The following RASA1 variants were observed in gnomAD, a reference collection of about 807,000 sequenced individuals.
RASA1 encodes RAS p21 protein activator 1.
Under a neutral mutation model 132.2 loss-of-function variants are expected in RASA1, and 25 were observed. That is an observed-to-expected ratio of 0.19 (90% confidence interval 0.14 to 0.26). The LOEUF is 0.26. Ranked by LOEUF, RASA1 falls within the 10% of genes least tolerant of loss-of-function variation. The pLI is 1.00. For synonymous variants in RASA1, 477 were observed against 449.9 expected (o/e 1.06, Z -0.76); for missense variants, 964 against 1,299.2 (o/e 0.74, Z 3.97).
intron 1 of RASA1, chr5:87,330,945 G>A: frequency 7.0e-7 from 1 of 1,429,774 alleles, no homozygotes; most frequent in Non-Finnish European, 9.1e-7. Context: ...TAGGTTCCAT[G>A]TGCCTTGTGA....
rs781666744 is a variant in RASA1 at position 87,269,009 on chromosome 5, T to C, written c.539+19T>C. On this transcript the variant is annotated intron_variant, in intron 1 of 24. Transcript: ENST00000274376. ...CTAACCAGTAAGTTAAGACTGCTGT[T>C]CAGGAATTTGGGAAGCTGGCTCCAG... 1 of 1,614,224 alleles carries C rather than the reference T, an allele frequency of 6.2e-7. No individual in the cohort carries two copies. The highest frequency in any genetic ancestry group is 2.2e-5 in the East Asian group (1 of 44,884).
chr5:87,354,012 T>C (rs1353340874), intron 9 of RASA1, among the ~76,000 whole-genome samples: 1 of 152,114 alleles, frequency 6.6e-6, no homozygotes, highest in Non-Finnish European at 1.5e-5. Context: ...TAAAGGATTA[T>C]TAAGGGTTTT....
rs1229617577 is a variant in RASA1, at chr5:87,268,883, C to T, written c.432C>T (p.Pro144=). The T allele has an allele frequency of 1.9e-6, 3 of 1,614,038 alleles. No individual in the cohort carries two copies. Among genetic ancestry groups the T allele is most frequent in the East Asian group, 2.2e-5 (1 of 44,890 alleles). Residue 144 remains proline, a synonymous_variant, in exon 1 of 25, where the codon CCC becomes CCT. Transcript: ENST00000274376. The part of the protein sequence containing the change: ...FPPLPPPPYL[P]PLGAGLGTVD... ...CTCTGCCCCCTCCCCCTTACCTGCCCCCTTTGGGGGCGGGCCTCGGGACAG... is the reference window on the plus strand; with the variant it reads ...CTCTGCCCCCTCCCCCTTACCTGCCTCCTTTGGGGGCGGGCCTCGGGACAG...
At chr5:87,274,948 G>A (rs1754001548) in intron 1 of RASA1, among the ~76,000 whole-genome samples, 1 of 152,194 alleles carries the variant, frequency 6.6e-6, no homozygotes, top group South Asian at 2.1e-4. Context: ...AGTTGACGGT[G>A]ATGTCTGTAG....
At position 87,383,857 on chromosome 5, in the gene RASA1, A is replaced by G. The variant is rs529840267; in HGVS notation, c.2758+77A>G. 7 of 1,254,136 alleles carry G rather than the reference A, an allele frequency of 5.6e-6. No individual in the cohort carries two copies. In the African/African-American group the frequency reaches 9.2e-5, roughly 17 times the overall value. 77.7% of individuals were successfully genotyped at this position (1,254,136 alleles called of 1,614,324 possible). A position where few individuals can be genotyped will look rare whatever the true frequency, so the allele number is the denominator to read the frequency against. ...TCATACTATTTAAGAATACTCTTAA[A>G]TCTTTTTTTTTTTTTTGATCATCCA... is the stretch of plus-strand genomic sequence containing the variant. On this transcript the variant is annotated intron_variant, in intron 21 of 24. Coordinates refer to ENST00000274376, the MANE Select transcript of RASA1 (RefSeq NM_002890.3).
chr5:87,382,360 G>A lies in RASA1; in HGVS notation c.2691-1353G>A, dbSNP rs941779413. 4.1e-4 allele frequency among the ~76,000 whole-genome samples: 63 copies of A among 152,188 alleles called. 1 individual carries two copies. Among genetic ancestry groups the A allele is most frequent in the African/African-American group, 1.4e-3 (59 of 41,524 alleles). On this transcript the variant is annotated intron_variant, in intron 20 of 24. Transcript: ENST00000274376. Reference sequence around the variant, plus strand: ...TTCAAAGGTAAATGCTAAGAAATTGGGTAATCCACTCTAACAGAGAACAGA... The same window carrying A: ...TTCAAAGGTAAATGCTAAGAAATTGAGTAATCCACTCTAACAGAGAACAGA...
At chr5:87,331,689 A>G (rs1471439288) in intron 2 of RASA1, among the ~76,000 whole-genome samples, 189 bp downstream of exon 2, 1 of 152,184 alleles carries the variant, frequency 6.6e-6, no homozygotes, top group Non-Finnish European at 1.5e-5. Flanking sequence ...TTGTTTAAAA[A>G]CAATATTGTT....
In RASA1 at chr5:87,389,354, A is replaced by G. The variant is rs185699184; in HGVS notation, c.2926-39A>G. On this transcript the variant is annotated intron_variant, in intron 23 of 24. Transcript: ENST00000274376. ...CTCAAAAAAAACAAAAAAAAAGAAG[A>G]TTTGTATTTCTAAATGCAATTTTAC... 7.4e-6 allele frequency: 12 copies of G among 1,612,278 alleles called. No individual in the cohort carries two copies. In the East Asian group the frequency reaches 2.7e-4, roughly 36 times the overall value.
At chr5:87,338,532 T>TATAA (rs1758167512) in intron 5 of RASA1, among the ~76,000 whole-genome samples, 1 of 59,676 alleles carries the variant, frequency 1.7e-5, no homozygotes, top group African/African-American at 4.8e-5. Flanking sequence ...TATATATATA[T>TATAA]AAAATTTTTT....
In RASA1 at chr5:87,346,732, C is replaced by T; in HGVS notation, c.1102+8C>T. On this transcript the variant is annotated splice_region_variant and intron_variant, in intron 7 of 24. Coordinates refer to ENST00000274376, the MANE Select transcript of RASA1 (RefSeq NM_002890.3). ...ATAATTTACTAATGACAGGTACTTA[C>T]ATATTTACTTGCTTTTCTAATGTCT... 6.5e-7 allele frequency: 1 copy of T among 1,529,646 alleles called. No homozygotes were observed. The highest frequency in any genetic ancestry group is 1.1e-5 in the South Asian group (1 of 88,628). The allele number at this position is 1,529,646 out of a possible 1,614,324, so 94.8% of individuals were successfully genotyped here.
rs747075516 is a variant in RASA1, at chr5:87,385,406, A to T, written c.2847+17A>T. On this transcript the variant is annotated intron_variant, in intron 22 of 24. Coordinates refer to ENST00000274376, the MANE Select transcript of RASA1 (RefSeq NM_002890.3). The stretch of plus-strand genomic sequence containing the variant: ...GGAGCTAAGGTAAAAACATTTTGAT[A>T]CTTTAAAATGTAATTTATGAATGCA... 1.3e-6 allele frequency: 2 copies of T among 1,540,288 alleles called. No individual in the cohort carries two copies. Among genetic ancestry groups the T allele is most frequent in the Non-Finnish European group, 1.8e-6 (2 of 1,114,664 alleles).
At chr5:87,316,422 A>G (rs974319730) in intron 1 of RASA1, among the ~76,000 whole-genome samples, 4 of 152,376 alleles carry the variant, frequency 2.6e-5, no homozygotes, top group African/African-American at 9.6e-5. Flanking sequence ...GTAGATAAAC[A>G]GTTAAATGGA....
chr5:87,302,057 T>C (rs1243584863), intron 1 of RASA1, among the ~76,000 whole-genome samples: 2 of 152,156 alleles, frequency 1.3e-5, no homozygotes, highest in Non-Finnish European at 2.9e-5. Context: ...GTTATACACC[T>C]AGGATTAGAA....
intron 1 of RASA1, among the ~76,000 whole-genome samples, chr5:87,300,075 G>C (rs914147415): frequency 3.3e-5 from 5 of 152,124 alleles, no homozygotes; most frequent in Non-Finnish European, 7.4e-5. Flanking sequence ...CTTATTAAGA[G>C]TTAAGCGGAG....
At chr5:87,295,726 G>A (rs1362572420) in intron 1 of RASA1, among the ~76,000 whole-genome samples, 2 of 151,858 alleles carry the variant, frequency 1.3e-5, no homozygotes, top group East Asian at 1.9e-4. Flanking sequence ...TGCCCAGGCC[G>A]GTCTCAAATT....
chr5:87,303,839 C>CTTTTTT (rs755878903), intron 1 of RASA1, among the ~76,000 whole-genome samples: 2 of 130,338 alleles, frequency 1.5e-5, no homozygotes, highest in Non-Finnish European at 3.3e-5. Flanking sequence ...TACTTCTTGT[C>CTTTTTT]TTTTTTTTTT....
At chr5:87,317,026 G>A (rs1756393838) in intron 1 of RASA1, among the ~76,000 whole-genome samples, 1 of 152,092 alleles carries the variant, frequency 6.6e-6, no homozygotes, top group South Asian at 2.1e-4. Context: ...GGGATTACAG[G>A]CGTGTGCCAC....
At chr5:87,275,531 C>G (rs1183780476) in intron 1 of RASA1, among the ~76,000 whole-genome samples, 2 of 151,906 alleles carry the variant, frequency 1.3e-5, no homozygotes, top group Non-Finnish European at 2.9e-5. Context: ...ATTTCCCTCT[C>G]TCTTCCTACC....
intron 1 of RASA1, among the ~76,000 whole-genome samples, chr5:87,274,560 GGTTGCAAGA>G (rs1406919267): frequency 6.6e-6 from 1 of 151,956 alleles, no homozygotes; most frequent in East Asian, 1.9e-4. Context: ...GTGCTTCAAG[GGTTGCAAGA>G]GTAAAATGCC....
Sources: allele counts gnomAD v4.1 joint callset (sites outside exome capture counted in the v4.1 genomes callset), GRCh38; gene constraint gnomAD v4.1.1; transcripts MANE v1.5; gene names NCBI Gene and HGNC (gene_info 2026-07-23, HGNC 2026-07-21).